EYA2: variants seen among roughly 807,000 people sequenced by gnomAD.
EYA2 encodes protein phosphatase EYA2.
EYA2 carries 31 observed loss-of-function variants against 69.2 expected under a neutral mutation model. The observed-to-expected ratio is 0.45, with a 90% CI of 0.34 to 0.60. EYA2 has a LOEUF of 0.60. Ranked by LOEUF, EYA2 falls within the 20% of genes least tolerant of loss-of-function variation. The probability of loss-of-function intolerance (pLI) is 0.02; values close to 1 mark genes in which losing one functional copy is unlikely to be tolerated. For missense variants in EYA2, 622 were observed against 701.2 expected (o/e 0.89, Z 1.28); for synonymous variants, 257 against 279.4 (o/e 0.92, Z 0.80).
chr20:47,163,698 CAAAAA>C (rs11471495), intron 10 of EYA2, among the ~76,000 whole-genome samples: 46 of 85,512 alleles, frequency 5.4e-4, no homozygotes, highest in African/African-American at 2.0e-3. Context: ...AACACTGTCT[CAAAAA>C]AAAAAAAAAA....
chr20:47,001,035 A>G (rs1226337682), intron 2 of EYA2, among the ~76,000 whole-genome samples: 1 of 152,112 alleles, frequency 6.6e-6, no homozygotes, highest in Non-Finnish European at 1.5e-5. Context: ...AGGAGTGGAA[A>G]TGGCACCAGC....
chr20:47,183,167 C>T, intron 14 of EYA2, 124 bp from the exon 15 acceptor site: 2 of 829,526 alleles, frequency 2.4e-6, no homozygotes, highest in East Asian at 2.5e-5. Context: ...TGCTCAAGAA[C>T]GAAATGATGA....
chr20:47,003,653 G>T (rs1327485589), intron 3 of EYA2, among the ~76,000 whole-genome samples: 1 of 152,214 alleles, frequency 6.6e-6, no homozygotes, highest in Admixed American at 6.5e-5. Context: ...ACTGGTCAAA[G>T]AAATTATATC....
intron 1 of EYA2, among the ~76,000 whole-genome samples, chr20:46,905,861 A>G (rs1264002011): frequency 6.6e-6 from 1 of 152,180 alleles, no homozygotes; most frequent in South Asian, 2.1e-4. Context: ...GGTACTGTGG[A>G]ATTGGACCCA....
intron 5 of EYA2, among the ~76,000 whole-genome samples, chr20:47,025,452 A>G (rs1984025634): frequency 6.6e-6 from 1 of 152,210 alleles, no homozygotes; most frequent in African/African-American, 2.4e-5. Flanking sequence ...TTCCTCATTT[A>G]GCTATATACC....
chr20:47,167,280 C>CTTTT (rs11470455), intron 10 of EYA2, among the ~76,000 whole-genome samples: 47,734 of 111,252 alleles, frequency 0.43, 11,816 homozygotes, highest in Non-Finnish European at 0.51. Context: ...GGTTTTTTTA[C>CTTTT]TTTTTTTTTT....
intron 1 of EYA2, among the ~76,000 whole-genome samples, chr20:46,956,833 C>T (rs1267973678): frequency 6.6e-6 from 1 of 152,148 alleles, no homozygotes; most frequent in Non-Finnish European, 1.5e-5. Context: ...ACTCACAGGC[C>T]TCAGAATCAT....
At chr20:47,062,077 GA>G (rs1249544433) in intron 5 of EYA2, among the ~76,000 whole-genome samples, 2 of 152,146 alleles carry the variant, frequency 1.3e-5, no homozygotes, top group African/African-American at 2.4e-5. Context: ...ACATCACCCT[GA>G]CACATTTGCC....
intron 5 of EYA2, among the ~76,000 whole-genome samples, chr20:47,038,537 G>T (rs1984845556): frequency 6.6e-6 from 1 of 152,140 alleles, no homozygotes; most frequent in Non-Finnish European, 1.5e-5. Flanking sequence ...GCCCACAAGG[G>T]TGCTCTGGGG....
intron 5 of EYA2, among the ~76,000 whole-genome samples, chr20:47,046,187 TGGGGCTTCTTTTATAA>T (rs893934718): frequency 6.6e-6 from 1 of 152,206 alleles, no homozygotes; most frequent in Non-Finnish European, 1.5e-5. Context: ...GAGAGCTTTC[TGGGGCTTCTTTTATAA>T]GGGGCTTCTT....
In EYA2 at chr20:47,057,139, GAGGAAGGAAGGAAGGAAGGAAGGA is replaced by G. The variant is rs61126274; in HGVS notation, c.416-15024_416-15001del. Among the ~76,000 whole-genome samples the G allele has an allele frequency of 8.5e-5, 11 of 129,090 alleles. No homozygotes were observed. The South Asian group carries it at 1.1e-3, about 13-fold the overall frequency. The allele number at this position is 129,090 out of a possible 152,430, so 84.7% of individuals were successfully genotyped here. ...GGGAAGGAAGAAGACAGGAAGGAGG[GAGGAAGGAAGGAAGGAAGGAAGGA>G]AGGAAGGAAGGAAGGAAGGAATCTC... On this transcript the variant is annotated intron_variant, in intron 5 of 15. Coordinates refer to ENST00000327619, the MANE Select transcript of EYA2 (RefSeq NM_005244.5).
intron 12 of EYA2, 97 bp downstream of exon 12, chr20:47,172,964 C>G: frequency 7.0e-7 from 1 of 1,419,978 alleles, no homozygotes; most frequent in South Asian, 1.4e-5. Flanking sequence ...CAGAGAGGTT[C>G]ACAAGTTCAG....
chr20:46,993,746 G>A (rs1981839402), intron 2 of EYA2, among the ~76,000 whole-genome samples: 1 of 152,168 alleles, frequency 6.6e-6, no homozygotes, highest in South Asian at 2.1e-4. Context: ...AAAGGCAGGG[G>A]AGGAGCATGA....
At chr20:47,084,593 T>A (rs1293045535) in intron 7 of EYA2, among the ~76,000 whole-genome samples, 1 of 152,162 alleles carries the variant, frequency 6.6e-6, no homozygotes, top group Non-Finnish European at 1.5e-5. Context: ...AGATGATAGA[T>A]GCCTCACCAA....
intron 5 of EYA2, among the ~76,000 whole-genome samples, chr20:47,022,688 C>G (rs1983829203): frequency 4.8e-5 from 6 of 125,504 alleles, no homozygotes; most frequent in Middle Eastern, 5.4e-3. Flanking sequence ...GGCAGGGTCT[C>G]TGTCACCCGG....
chr20:47,117,311 A>T (rs1291909494), intron 9 of EYA2: 1 of 951,958 alleles, frequency 1.1e-6, no homozygotes, highest in Non-Finnish European at 1.3e-6. Flanking sequence ...CACCCAGCCA[A>T]GCATCTGCAT....
chr20:47,116,893 A>G (rs1272459791), intron 9 of EYA2, among the ~76,000 whole-genome samples: 2 of 152,184 alleles, frequency 1.3e-5, no homozygotes, highest in African/African-American at 2.4e-5. Flanking sequence ...CTGCTGTGAC[A>G]TAAGTCTCCT....
intron 11 of EYA2, among the ~76,000 whole-genome samples, chr20:47,170,013 C>T (rs1303924517): frequency 6.6e-6 from 1 of 152,084 alleles, no homozygotes; most frequent in East Asian, 1.9e-4. Flanking sequence ...TCAAGCAATT[C>T]TCCTGCCTCA....
intron 1 of EYA2, among the ~76,000 whole-genome samples, chr20:46,913,807 GAGC>G (rs1825962641): frequency 6.6e-6 from 1 of 152,170 alleles, no homozygotes; most frequent in Admixed American, 6.5e-5. Flanking sequence ...GTGGAGGGAG[GAGC>G]AGGTTGGGAA....
Sources: allele counts gnomAD v4.1 joint callset (sites outside exome capture counted in the v4.1 genomes callset), GRCh38; gene constraint gnomAD v4.1.1; transcripts MANE v1.5; gene names NCBI Gene and HGNC (gene_info 2026-07-23, HGNC 2026-07-21).